Variants in SGK3 observed in about 807,000 individuals in gnomAD.
The protein encoded by SGK3 is serine/threonine-protein kinase Sgk3.
In SGK3, 47 loss-of-function variants were observed where a neutral mutation model predicts 68.5. The ratio of observed to expected loss-of-function variants is 0.69; its 90% CI spans 0.54 to 0.87. SGK3 has a LOEUF of 0.87. Among genes scored for constraint, SGK3 ranks in the 40% least tolerant of loss-of-function variants. The pLI, the probability that SGK3 is intolerant of heterozygous loss-of-function variation, is 0.00. For missense variants in SGK3, 479 were observed against 575.5 expected, an observed-to-expected ratio of 0.83 and a Z score of 1.72; for synonymous variants, 181 against 189.1, an observed-to-expected ratio of 0.96 and a Z score of 0.35.
intron 1 of SGK3, among the ~76,000 whole-genome samples, chr8:66,713,451 T>C (rs1438420086): frequency 6.6e-6 from 1 of 152,208 alleles, no homozygotes; most frequent in Non-Finnish European, 1.5e-5. Context: ...CTTAAAACGC[T>C]TTCATTGAGT....
intron 1 of SGK3, among the ~76,000 whole-genome samples, chr8:66,746,835 A>G (rs1423946167): frequency 6.6e-6 from 1 of 152,010 alleles, no homozygotes; most frequent in Non-Finnish European, 1.5e-5. Flanking sequence ...TACTGGGATT[A>G]CAGGTGTAAG....
intron 1 of SGK3, among the ~76,000 whole-genome samples, chr8:66,738,706 C>T (rs1017115731): frequency 1.3e-5 from 2 of 152,072 alleles, no homozygotes; most frequent in African/African-American, 4.8e-5. Flanking sequence ...CAGCTCACTG[C>T]AAGCTCCGCC....
chr8:66,769,770 C>G (rs968047193), intron 1 of SGK3, among the ~76,000 whole-genome samples: 5 of 151,826 alleles, frequency 3.3e-5, no homozygotes, highest in South Asian at 2.1e-4. Context: ...TGGGGTCTCC[C>G]TATGTTGCCC....
intron 4 of SGK3, among the ~76,000 whole-genome samples, chr8:66,807,866 G>T (rs1808227225): frequency 6.6e-6 from 1 of 152,062 alleles, no homozygotes; most frequent in Admixed American, 6.6e-5. Context: ...AGAAAAACTG[G>T]AAACAATGAA....
chr8:66,725,402 GA>G (rs376937192), intron 1 of SGK3, among the ~76,000 whole-genome samples: 67 of 139,492 alleles, frequency 4.8e-4, no homozygotes, highest in East Asian at 1.2e-3. Flanking sequence ...GAGTGTCTCA[GA>G]AAAAAAAAAA....
At chr8:66,834,524 G>T (rs994052224) in intron 8 of SGK3, among the ~76,000 whole-genome samples, 4 of 151,970 alleles carry the variant, frequency 2.6e-5, no homozygotes, top group African/African-American at 9.7e-5. Flanking sequence ...TGGTTACATA[G>T]GTGTATTCAC....
At chr8:66,850,348 C>A (rs906656107) in intron 15 of SGK3, among the ~76,000 whole-genome samples, 19 of 152,172 alleles carry the variant, frequency 1.2e-4, no homozygotes, top group African/African-American at 4.6e-4. Flanking sequence ...TTTGGTAATA[C>A]CAACCCTGAG....
At chr8:66,839,975 C>G (rs748277424) in intron 10 of SGK3, 28 bp from the exon 11 acceptor site, 3 of 1,582,522 alleles carry the variant, frequency 1.9e-6, no homozygotes, top group African/African-American at 1.3e-5. Context: ...CATTCTCTCT[C>G]CCCCCACCCC....
chr8:66,793,967 T>C (rs1807570450), intron 2 of SGK3, 135 bp downstream of exon 2: 1 of 930,696 alleles, frequency 1.1e-6, no homozygotes, highest in South Asian at 1.7e-5. Flanking sequence ...TCACATGATC[T>C]GTTCTCCACA....
chr8:66,730,283 C>A (rs1001509884), intron 1 of SGK3, among the ~76,000 whole-genome samples: 1 of 152,068 alleles, frequency 6.6e-6, no homozygotes, highest in Admixed American at 6.5e-5. Context: ...TATTCAGATT[C>A]TTTCCTTATT....
chr8:66,833,469 A>G (rs1313683596), intron 8 of SGK3, among the ~76,000 whole-genome samples: 2 of 152,214 alleles, frequency 1.3e-5, no homozygotes, highest in Non-Finnish European at 2.9e-5. Flanking sequence ...TCAAGAGACT[A>G]TTCTTAGCCC....
intron 3 of SGK3, among the ~76,000 whole-genome samples, chr8:66,800,721 T>C (rs1010496748): frequency 1.3e-5 from 2 of 152,208 alleles, no homozygotes; most frequent in Non-Finnish European, 1.5e-5. Flanking sequence ...TCAAATCACT[T>C]GCTACTTGAA....
At chr8:66,741,272 A>T (rs953562347) in intron 1 of SGK3, among the ~76,000 whole-genome samples, 1 of 152,174 alleles carries the variant, frequency 6.6e-6, no homozygotes, top group Admixed American at 6.5e-5. Flanking sequence ...TGTTGGGGCC[A>T]GGCACGGTGG....
intron 1 of SGK3, among the ~76,000 whole-genome samples, chr8:66,746,094 G>T (rs117656454): frequency 1.3e-5 from 2 of 152,092 alleles, no homozygotes; most frequent in African/African-American, 4.8e-5. Context: ...GAACTATTCA[G>T]GTTTTCTAGA....
intron 5 of SGK3, among the ~76,000 whole-genome samples, chr8:66,821,514 A>G (rs977527088): frequency 6.0e-5 from 9 of 150,922 alleles, no homozygotes; most frequent in African/African-American, 9.7e-5. Flanking sequence ...GGACCTGCAC[A>G]TAATTTTTTT....
rs140593647 is a variant in SGK3 at position 66,787,054 on chromosome 8, C to T, written c.-121-6562C>T. 2.7e-4 allele frequency among the ~76,000 whole-genome samples: 40 copies of T among 148,784 alleles called. No homozygotes were observed. In the East Asian group the frequency reaches 7.7e-3, roughly 29 times the overall value. On this transcript the variant is annotated intron_variant, in intron 1 of 16. Transcript: ENST00000521198. ...TTGTGTCCCAGTTCAAGCAATTCTC[C>T]TCCCTCAGCCCTCCGAGTAGCTGGG...
intron 1 of SGK3, chr8:66,775,089 T>C (rs73691586): frequency 0.13 from 19,904 of 152,274 alleles, 2,485 homozygotes; most frequent in African/African-American, 0.32. Context: ...CCTTCGGGGG[T>C]GTGGCCGAAG....
rs1036217721 is a variant in SGK3, at chr8:66,793,780, G to A, written c.44G>A (p.Ser15Asn). The change falls in exon 2 of 17, where the codon AGT becomes AAT. Residue 15 changes from serine (S) to asparagine (N), a missense_variant. Physicochemically the swap from Ser to Asn is conservative, Grantham distance 46. Transcript: ENST00000521198. ...ATGGACTACAAGGAAAGCTGCCCAA[G>A]TGTAAGCATTCCCAGCTCCGATGAA... ...HTMDYKESCP[S>N]VSIPSSDEHR... is the part of the protein sequence containing the mutation. 1 of 1,613,520 alleles carries A rather than the reference G, an allele frequency of 6.2e-7. No individual in the cohort carries two copies.
rs193237152 is a variant in SGK3, at chr8:66,779,922, G to A, written c.-121-13694G>A. On this transcript the variant is annotated intron_variant, in intron 1 of 16. Transcript: ENST00000521198. ...TTTGAAAGCAAATATTTACTTGAGA[G>A]TAAAGTTTCCTTTATCACACTGCAT... Among the ~76,000 whole-genome samples, 27 of 152,040 alleles carry A rather than the reference G, an allele frequency of 1.8e-4. No homozygotes were observed. The East Asian group carries it at 3.1e-3, about 17-fold the overall frequency.
Sources: allele counts gnomAD v4.1 joint callset (sites outside exome capture counted in the v4.1 genomes callset), GRCh38; gene constraint gnomAD v4.1.1; transcripts MANE v1.5; gene names NCBI Gene and HGNC (gene_info 2026-07-23, HGNC 2026-07-21).